The following NRXN3 variants were observed in gnomAD, a reference collection of about 807,000 sequenced individuals.
The protein encoded by NRXN3 is neurexin 3, also known as neurexin III.
A neutral mutation model predicts 137.6 loss-of-function variants in NRXN3; 32 were observed. That is an observed-to-expected ratio of 0.23 (90% confidence interval 0.18 to 0.31). The LOEUF is 0.31. NRXN3 is among the 10% of genes least tolerant of loss of function. The pLI is 1.00. For synonymous variants in NRXN3, 798 were observed against 784.5 expected (o/e 1.02, Z -0.29); for missense variants, 1,574 against 2,062.5 (o/e 0.76, Z 4.59).
chr14:79,560,504 C>CTTTGTTTTTTTTTT (rs2097482091), intron 16 of NRXN3, among the ~76,000 whole-genome samples: 1 of 43,770 alleles, frequency 2.3e-5, no homozygotes, highest in Non-Finnish European at 4.0e-5. Context: ...AGATTGTAAG[C>CTTTGTTTTTTTTTT]TTTTTTTTTT....
At chr14:78,515,676 G>T (rs933586368) in intron 4 of NRXN3, among the ~76,000 whole-genome samples, 2 of 152,050 alleles carry the variant, frequency 1.3e-5, no homozygotes, top group Non-Finnish European at 2.9e-5. Context: ...CTGTCTTCAG[G>T]CAGATAGGGG....
At chr14:78,962,691 C>A (rs903641088) in intron 11 of NRXN3, among the ~76,000 whole-genome samples, 1 of 151,906 alleles carries the variant, frequency 6.6e-6, no homozygotes, top group Non-Finnish European at 1.5e-5. Flanking sequence ...CACAGTGAAG[C>A]CAATTCTTTT....
chr14:79,027,888 C>T (rs936990394), intron 15 of NRXN3, among the ~76,000 whole-genome samples: 1 of 152,144 alleles, frequency 6.6e-6, no homozygotes, highest in Non-Finnish European at 1.5e-5. Context: ...TTGCTTTAGA[C>T]CTTGTCTTTG....
chr14:79,438,434 G>C (rs1487341959), intron 15 of NRXN3, among the ~76,000 whole-genome samples: 2 of 152,160 alleles, frequency 1.3e-5, no homozygotes, highest in African/African-American at 4.8e-5. Context: ...AATAAGGGCG[G>C]CTTCCAAAGT....
intron 16 of NRXN3, among the ~76,000 whole-genome samples, chr14:79,541,421 C>T (rs912927648): frequency 6.6e-6 from 1 of 152,144 alleles, no homozygotes; most frequent in South Asian, 2.1e-4. Flanking sequence ...AAGATACTTG[C>T]CATTGGATTC....
intron 20 of NRXN3, among the ~76,000 whole-genome samples, chr14:79,825,229 G>A (rs893391985): frequency 4.5e-5 from 4 of 89,262 alleles, no homozygotes; most frequent in South Asian, 4.0e-4. Context: ...TTTTTTTTAC[G>A]GCCGTCCAAT....
intron 4 of NRXN3, among the ~76,000 whole-genome samples, chr14:78,305,590 T>A (rs1328593466): frequency 6.6e-6 from 1 of 152,166 alleles, no homozygotes; most frequent in African/African-American, 2.4e-5. Flanking sequence ...GAAAGCTGAT[T>A]TGAGGAGCTG....
chr14:79,191,610 C>G (rs1175100378), intron 15 of NRXN3, among the ~76,000 whole-genome samples: 1 of 152,076 alleles, frequency 6.6e-6, no homozygotes, highest in Non-Finnish European at 1.5e-5. Context: ...AATATAAGAC[C>G]TTTCCTTTTA....
At chr14:78,559,863 G>C (rs1366313178) in intron 4 of NRXN3, among the ~76,000 whole-genome samples, 1 of 152,172 alleles carries the variant, frequency 6.6e-6, no homozygotes, top group African/African-American at 2.4e-5. Context: ...CCTTGCAATT[G>C]GTTTATGTGT....
At chr14:78,633,325 C>T (rs1249183611) in intron 4 of NRXN3, among the ~76,000 whole-genome samples, 3 of 149,362 alleles carry the variant, frequency 2.0e-5, no homozygotes, top group Non-Finnish European at 3.0e-5. Flanking sequence ...ATACTTTCTT[C>T]TAGTTTTATG....
intron 6 of NRXN3, among the ~76,000 whole-genome samples, chr14:78,675,754 C>T (rs1043597073): frequency 3.3e-5 from 5 of 152,138 alleles, no homozygotes; most frequent in African/African-American, 9.7e-5. Flanking sequence ...TTCAGGCATA[C>T]CTCATTTTAT....
At chr14:78,720,152 G>T (rs2098453061) in intron 8 of NRXN3, among the ~76,000 whole-genome samples, 1 of 151,766 alleles carries the variant, frequency 6.6e-6, no homozygotes, top group Non-Finnish European at 1.5e-5. Context: ...CGGTTCCCTT[G>T]GTGCTCTTAT....
At chr14:78,693,758 A>G (rs2098197391) in intron 6 of NRXN3, among the ~76,000 whole-genome samples, 1 of 144,650 alleles carries the variant, frequency 6.9e-6, no homozygotes. Context: ...CACCAGATTA[A>G]TCTTTTATAT....
chr14:78,656,056 G>A (rs1269831521), intron 6 of NRXN3, among the ~76,000 whole-genome samples: 3 of 152,044 alleles, frequency 2.0e-5, no homozygotes, highest in Non-Finnish European at 4.4e-5. Context: ...GTCACATTGT[G>A]GGTTAGAATT....
At chr14:78,330,631 C>T (rs934174241) in intron 4 of NRXN3, among the ~76,000 whole-genome samples, 2 of 152,094 alleles carry the variant, frequency 1.3e-5, no homozygotes, top group East Asian at 1.9e-4. Flanking sequence ...TAAGGTATGC[C>T]ATAGTGCTGA....
intron 16 of NRXN3, among the ~76,000 whole-genome samples, chr14:79,613,283 A>T (rs2098122755): frequency 6.6e-6 from 1 of 152,256 alleles, no homozygotes; most frequent in African/African-American, 2.4e-5. Context: ...AAGGGATAAA[A>T]TTTGGGGCAT....
chr14:79,700,741 C>G (rs2098751671), intron 19 of NRXN3, among the ~76,000 whole-genome samples: 1 of 152,016 alleles, frequency 6.6e-6, no homozygotes, highest in African/African-American at 2.4e-5. Flanking sequence ...GTGTTATAGC[C>G]TCTTAGAAGT....
chr14:79,855,000 G>A lies in NRXN3; in HGVS notation c.4094-6342G>A, dbSNP rs557412512. 1.3e-4 allele frequency among the ~76,000 whole-genome samples: 20 copies of A among 152,112 alleles called. 1 individual carries two copies. The East Asian group carries it at 3.7e-3, about 28-fold the overall frequency. ...GGCAAAAACACAGACACACACAGAA[G>A]GCACACACACATTCTCTCTCTCCCT... On this transcript the variant is annotated intron_variant, in intron 20 of 20. Coordinates refer to ENST00000335750, the MANE Select transcript of NRXN3 (RefSeq NM_001330195.2).
chr14:79,806,738 T>C (rs1295952884), intron 20 of NRXN3, among the ~76,000 whole-genome samples: 1 of 150,350 alleles, frequency 6.7e-6, no homozygotes, highest in Non-Finnish European at 1.5e-5. Context: ...TTTTAAGAAA[T>C]TAGCTGTCAG....
Sources: gnomAD v4.1 joint callset for allele counts (sites outside exome capture counted in the v4.1 genomes callset) on GRCh38, gnomAD v4.1.1 for gene constraint, MANE v1.5 for transcripts, NCBI Gene and HGNC (gene_info 2026-07-23, HGNC 2026-07-21) for gene names.